Variants in ARHGEF18 observed in about 807,000 individuals in gnomAD.
ARHGEF18 encodes rho guanine nucleotide exchange factor 18.
ARHGEF18 carries 93 observed loss-of-function variants against 155.7 expected under a neutral mutation model. The observed-to-expected ratio is 0.60, with a 90% CI of 0.50 to 0.71. The LOEUF (loss-of-function observed/expected upper bound fraction) is 0.71, where lower values mean the gene tolerates loss of function less well. ARHGEF18 is among the 30% of genes least tolerant of loss of function. The pLI is 0.00. For synonymous variants in ARHGEF18, 742 were observed against 753.1 expected, an observed-to-expected ratio of 0.99 and a Z score of 0.24; for missense variants, 1,593 against 1,816.1, an observed-to-expected ratio of 0.88 and a Z score of 2.23.
intron 10 of ARHGEF18, among the ~76,000 whole-genome samples, chr19:7,436,691 T>C (rs1033187516): frequency 6.6e-6 from 1 of 152,192 alleles, no homozygotes; most frequent in African/African-American, 2.4e-5. Context: ...CCTGCCAGGA[T>C]GCTGCTGGGC....
chr19:7,362,555 C>T (rs1969674951), intron 1 of ARHGEF18, among the ~76,000 whole-genome samples: 1 of 152,168 alleles, frequency 6.6e-6, no homozygotes, highest in African/African-American at 2.4e-5. Context: ...AGGAAATTGA[C>T]TCATGATTGA....
intron 10 of ARHGEF18, among the ~76,000 whole-genome samples, chr19:7,429,352 C>T (rs193020785): frequency 3.9e-5 from 6 of 152,276 alleles, no homozygotes; most frequent in East Asian, 1.9e-4. Flanking sequence ...CCTGTAATCC[C>T]AGCACTTTAG....
At chr19:7,408,855 A>C (rs1600331989) in intron 10 of ARHGEF18, among the ~76,000 whole-genome samples, 1 of 152,042 alleles carries the variant, frequency 6.6e-6, no homozygotes, top group East Asian at 2.0e-4. Context: ...CAGCTTGGGC[A>C]ACATAGTGAG....
intron 10 of ARHGEF18, among the ~76,000 whole-genome samples, chr19:7,436,617 G>T (rs1974273406): frequency 1.3e-5 from 2 of 152,060 alleles, no homozygotes; most frequent in African/African-American, 4.8e-5. Context: ...ATGGACTATT[G>T]TATTAGAGCA....
At chr19:7,369,307 C>G (rs1178947006) in intron 2 of ARHGEF18, among the ~76,000 whole-genome samples, 1 of 151,556 alleles carries the variant, frequency 6.6e-6, no homozygotes, top group South Asian at 2.1e-4. Context: ...ACTAAAAATA[C>G]GAAATTAGCT....
chr19:7,478,314 C>G, the ARHGEF18 span: 6 of 1,610,726 alleles, frequency 3.7e-6, no homozygotes, highest in South Asian at 6.6e-5. Flanking sequence ...GGGCTCCTAC[C>G]TGGTGAAGGG....
At chr19:7,472,693 G>GT (rs752243007), downstream of ARHGEF18, 16 of 294,692 alleles carry the variant, frequency 5.4e-5, no homozygotes, top group African/African-American at 3.1e-4. Flanking sequence ...TTTTGTTTCT[G>GT]TTTTTTTGGT....
At position 7,421,408 on chromosome 19, in the gene ARHGEF18, G is replaced by A. The variant is rs369110109; in HGVS notation, c.968-18936G>A. Among the ~76,000 whole-genome samples, 10 of 152,196 alleles carry A rather than the reference G, an allele frequency of 6.6e-5. No homozygotes were observed. The East Asian group carries it at 1.9e-3, about 29-fold the overall frequency. ...AGAGGGCCGACTTTTCCCATATGCC[G>A]GACAACTGTACCCCCCTCTTCTTTT... On this transcript the variant is annotated intron_variant, in intron 10 of 28. Coordinates refer to ENST00000668164, the MANE Select transcript of ARHGEF18 (RefSeq NM_001367823.1).
chr19:7,373,172 C>T (rs772568533), intron 3 of ARHGEF18, 101 bp downstream of exon 3: 1 of 1,222,142 alleles, frequency 8.2e-7, no homozygotes. Flanking sequence ...ACCCCTTGCA[C>T]CTGCCGTGGT....
At chr19:7,399,550 T>A (rs1014104572) in intron 10 of ARHGEF18, among the ~76,000 whole-genome samples, 1 of 151,736 alleles carries the variant, frequency 6.6e-6, no homozygotes, top group Non-Finnish European at 1.5e-5. Flanking sequence ...GGCGCGATCT[T>A]GGCCCACTGC....
chr19:7,442,545 T>C (rs1974729102), intron 13 of ARHGEF18, among the ~76,000 whole-genome samples: 1 of 152,176 alleles, frequency 6.6e-6, no homozygotes, highest in Admixed American at 6.6e-5. Context: ...TCTCTCTGTC[T>C]TTCTCTCTCC....
At chr19:7,368,935 G>T (rs1331841389) in intron 2 of ARHGEF18, among the ~76,000 whole-genome samples, 1 of 152,144 alleles carries the variant, frequency 6.6e-6, no homozygotes, top group South Asian at 2.1e-4. Context: ...ACGCAGAGGA[G>T]GAGTCAGCAG....
In ARHGEF18 at chr19:7,420,050, C is replaced by T. The variant is rs934517413; in HGVS notation, c.968-20294C>T. ...CACCCACACTCAGCCCCCACACTCACGCTAAGCCCTGACGACAGCCTCAGG... is the reference window on the plus strand; with the variant it reads ...CACCCACACTCAGCCCCCACACTCATGCTAAGCCCTGACGACAGCCTCAGG... On this transcript the variant is annotated intron_variant, in intron 10 of 28. Coordinates refer to ENST00000668164, the MANE Select transcript of ARHGEF18 (RefSeq NM_001367823.1). Among the ~76,000 whole-genome samples, 8 of 152,220 alleles carry T rather than the reference C, an allele frequency of 5.3e-5. 1 individual carries two copies. Among genetic ancestry groups the T allele is most frequent in the Admixed American group, 4.6e-4 (7 of 15,288 alleles).
Position 7,470,727 on chromosome 19 carries a change from G to A in ARHGEF18, c.*429G>A, listed in dbSNP as rs1045730575. The A allele has an allele frequency of 1.2e-5, 5 of 400,570 alleles. No individual in the cohort carries two copies. The Admixed American group carries it at 1.8e-4, about 14-fold the overall frequency. 24.8% of individuals were successfully genotyped at this position (400,570 alleles called of 1,614,324 possible). ...AGAAGGAGCTGCCGGCCGGGGCCACGCTCCACAGCCGCCGCGCGACAGTGG... is the reference window on the plus strand; with the variant it reads ...AGAAGGAGCTGCCGGCCGGGGCCACACTCCACAGCCGCCGCGCGACAGTGG... On this transcript the variant is annotated 3_prime_UTR_variant, in exon 29 of 29. Transcript: ENST00000668164. The surrounding 1 kb of genome is among the most constrained non-coding windows in gnomAD (Gnocchi z 5.9).
At chr19:7,466,337 C>T (rs1296389251) in intron 23 of ARHGEF18, among the ~76,000 whole-genome samples, 9 of 142,392 alleles carry the variant, frequency 6.3e-5, no homozygotes, top group African/African-American at 2.2e-4. Flanking sequence ...GAGCTGAGAT[C>T]GTGCCATTGC....
intron 15 of ARHGEF18, among the ~76,000 whole-genome samples, chr19:7,450,697 C>G (rs970346110): frequency 8.7e-6 from 1 of 114,694 alleles, no homozygotes; most frequent in East Asian, 2.5e-4. Flanking sequence ...TCTTGCTGTC[C>G]GTTTCCGAGA....
intron 10 of ARHGEF18, chr19:7,392,665 A>C (rs1465555825): frequency 6.7e-6 from 1 of 150,318 alleles, no homozygotes; most frequent in East Asian, 2.0e-4. Flanking sequence ...CAGTGAGCCT[A>C]GATGGTACCA....
In ARHGEF18 at chr19:7,389,509, TC is replaced by T. The variant is rs1971274441; in HGVS notation, c.967+6308del. ...CTTCTTCCTTCCTCCCTTCCTTCCT[TC>T]CTTCCTTTCTTTCTTTCTTATTTAC... On this transcript the variant is annotated intron_variant, in intron 10 of 28. Transcript: ENST00000668164. 4.2e-5 allele frequency among the ~76,000 whole-genome samples: 6 copies of T among 143,254 alleles called. No individual in the cohort carries two copies. In the South Asian group the frequency reaches 8.7e-4, roughly 21 times the overall value. 94.0% of individuals were successfully genotyped at this position (143,254 alleles called of 152,430 possible).
intron 10 of ARHGEF18, among the ~76,000 whole-genome samples, chr19:7,384,146 T>C (rs1329772189): frequency 2.0e-5 from 3 of 152,130 alleles, no homozygotes; most frequent in African/African-American, 7.2e-5. Flanking sequence ...TAGTTCACAG[T>C]TTCTGGGCCT....
Sources: allele counts gnomAD v4.1 joint callset (sites outside exome capture counted in the v4.1 genomes callset), GRCh38; gene constraint gnomAD v4.1.1; non-coding constraint Gnocchi (gnomAD v3.1); transcripts MANE v1.5; gene names NCBI Gene and HGNC (gene_info 2026-07-23, HGNC 2026-07-21).